COP1: variants seen among roughly 807,000 people sequenced by gnomAD.
COP1 encodes COP1 E3 ubiquitin ligase, also known as E3 ubiquitin-protein ligase COP1.
In COP1, 24 loss-of-function variants were observed where a neutral mutation model predicts 101.3. The observed-to-expected ratio is 0.24, with a 90% confidence interval of 0.17 to 0.33. The LOEUF (loss-of-function observed/expected upper bound fraction) is 0.33. COP1 is among the 10% of genes least tolerant of loss of function. The probability of loss-of-function intolerance (pLI) is 1.00; values close to 1 mark genes in which losing one functional copy is unlikely to be tolerated. For missense variants in COP1, 663 were observed against 906.2 expected (o/e 0.73, Z 3.45); for synonymous variants, 347 against 341.9 (o/e 1.01, Z -0.17).
chr1:175,969,372 C>T (rs1298609510), intron 18 of COP1, among the ~76,000 whole-genome samples: 1 of 152,098 alleles, frequency 6.6e-6, no homozygotes, highest in African/African-American at 2.4e-5. Flanking sequence ...TGAAGCAGGT[C>T]ATAAAAGAAT....
chr1:176,200,161 A>T (rs917956235), intron 1 of COP1, among the ~76,000 whole-genome samples: 1 of 152,184 alleles, frequency 6.6e-6, no homozygotes, highest in Non-Finnish European at 1.5e-5. Flanking sequence ...TACAGCAAAC[A>T]GTTGTTGTGA....
chr1:176,043,238 G>A lies in COP1; in HGVS notation c.1560C>T (p.Asp520=). Residue 520 remains aspartate (D), a synonymous_variant, in exon 14 of 20, where the codon GAC becomes GAT. Coordinates refer to ENST00000367669, the MANE Select transcript of COP1 (RefSeq NM_022457.7). The stretch of plus-strand genomic sequence containing the variant: ...AGAGTTTAGGATCCATCAAATTAAA[G>A]TCAACACTCCAACACCTCTTCTCAT... ...QEHEKRCWSV[D]FNLMDPKLLA... 1 of 1,612,510 alleles carries A rather than the reference G, an allele frequency of 6.2e-7. No homozygotes were observed. Among genetic ancestry groups the A allele is most frequent in the Non-Finnish European group, 8.5e-7 (1 of 1,178,792 alleles).
intron 18 of COP1, among the ~76,000 whole-genome samples, chr1:175,967,867 T>TC (rs1652379050): frequency 1.3e-5 from 2 of 152,050 alleles, no homozygotes; most frequent in African/African-American, 4.8e-5. Flanking sequence ...GAATAATATT[T>TC]CTTTTTTCTT....
chr1:176,192,044 A>G (rs1261742035), intron 1 of COP1, among the ~76,000 whole-genome samples: 1 of 152,130 alleles, frequency 6.6e-6, no homozygotes, highest in Non-Finnish European at 1.5e-5. Flanking sequence ...AAAGGACACC[A>G]TGATTAATAC....
chr1:176,105,390 T>G (rs1029060291), intron 9 of COP1, among the ~76,000 whole-genome samples: 6 of 152,190 alleles, frequency 3.9e-5, no homozygotes, highest in African/African-American at 1.4e-4. Flanking sequence ...AAATAACCTT[T>G]GAATATACTA....
At chr1:176,027,531 A>T in intron 15 of COP1, 41 bp downstream of exon 15, 1 of 1,134,212 alleles carries the variant, frequency 8.8e-7, no homozygotes. Flanking sequence ...CATGATATTT[A>T]ACCAACATCA....
chr1:176,090,648 A>C (rs1049680110), intron 9 of COP1, among the ~76,000 whole-genome samples: 4 of 152,224 alleles, frequency 2.6e-5, no homozygotes, highest in African/African-American at 9.6e-5. Flanking sequence ...AGGGACCGCA[A>C]GTAGGGAAAC....
intron 15 of COP1, among the ~76,000 whole-genome samples, chr1:176,014,377 A>G (rs2148974325): frequency 6.6e-6 from 1 of 152,284 alleles, no homozygotes; most frequent in Middle Eastern, 3.4e-3. Flanking sequence ...TATTATTTCA[A>G]CAGCACAAGT....
At chr1:175,993,944 A>C (rs1427065711) in intron 15 of COP1, among the ~76,000 whole-genome samples, 5 of 152,210 alleles carry the variant, frequency 3.3e-5, no homozygotes, top group African/African-American at 1.2e-4. Flanking sequence ...CATAATTGTC[A>C]GATTCACCAA....
At chr1:176,193,547 TTAAAA>T (rs1477168847) in intron 1 of COP1, among the ~76,000 whole-genome samples, 8 of 152,174 alleles carry the variant, frequency 5.3e-5, no homozygotes, top group Middle Eastern at 3.4e-3. Context: ...ATAAATTATA[TTAAAA>T]TGTTATTTTA....
At chr1:176,027,858 C>T (rs1011358868) in intron 14 of COP1, among the ~76,000 whole-genome samples, 170 bp from the exon 15 acceptor site, 3 of 151,058 alleles carry the variant, frequency 2.0e-5, no homozygotes, top group African/African-American at 4.9e-5. Flanking sequence ...TGTCTGTTCT[C>T]GCACTGCTAA....
intron 15 of COP1, among the ~76,000 whole-genome samples, chr1:176,001,097 G>A (rs1661489360): frequency 6.6e-6 from 1 of 152,042 alleles, no homozygotes; most frequent in Non-Finnish European, 1.5e-5. Context: ...AAAAAAGGAA[G>A]TGCAGCTCAC....
chr1:176,095,010 G>A (rs1682070557), intron 9 of COP1, among the ~76,000 whole-genome samples: 1 of 152,098 alleles, frequency 6.6e-6, no homozygotes, highest in Non-Finnish European at 1.5e-5. Flanking sequence ...TCCACTAAGA[G>A]GAGACTCCTA....
At chr1:176,150,353 T>C (rs1692223076) in intron 5 of COP1, among the ~76,000 whole-genome samples, 1 of 152,238 alleles carries the variant, frequency 6.6e-6, no homozygotes, top group Non-Finnish European at 1.5e-5. Flanking sequence ...TTAATATGTT[T>C]TACAACTGAA....
At chr1:176,057,216 A>G (rs550245373) in intron 11 of COP1, among the ~76,000 whole-genome samples, 1 of 152,334 alleles carries the variant, frequency 6.6e-6, no homozygotes, top group South Asian at 2.1e-4. Flanking sequence ...TAGCTCCGAA[A>G]TGATTCTAAA....
chr1:175,964,700 GGTAAATCACTAT>G (rs1328152345), intron 18 of COP1, among the ~76,000 whole-genome samples: 3 of 152,106 alleles, frequency 2.0e-5, no homozygotes, highest in Non-Finnish European at 4.4e-5. Flanking sequence ...AAATGGAAAT[GGTAAATCACTAT>G]GAACAACATA....
intron 6 of COP1, among the ~76,000 whole-genome samples, chr1:176,137,823 A>C (rs1690047170): frequency 6.6e-6 from 1 of 152,194 alleles, no homozygotes; most frequent in Non-Finnish European, 1.5e-5. Context: ...TGGTAATATA[A>C]TTAATAACTT....
chr1:176,091,251 T>C (rs932591137), intron 9 of COP1, among the ~76,000 whole-genome samples: 1 of 151,666 alleles, frequency 6.6e-6, no homozygotes, highest in African/African-American at 2.4e-5. Flanking sequence ...GGCAAGGGAA[T>C]AGCTTGAACC....
At chr1:176,122,745 T>C (rs1687353945) in intron 8 of COP1, among the ~76,000 whole-genome samples, 1 of 152,196 alleles carries the variant, frequency 6.6e-6, no homozygotes, top group Non-Finnish European at 1.5e-5. Flanking sequence ...ATAATAATTC[T>C]GAAACTGAAA....
Sources: allele counts gnomAD v4.1 joint callset (sites outside exome capture counted in the v4.1 genomes callset), GRCh38; gene constraint gnomAD v4.1.1; transcripts MANE v1.5; gene names NCBI Gene and HGNC (gene_info 2026-07-23, HGNC 2026-07-21).